Variants in CDK8 observed in about 807,000 individuals in gnomAD.
CDK8 encodes the protein cyclin dependent kinase 8.
In CDK8, 29 loss-of-function variants were observed where a neutral mutation model predicts 71.5. The ratio of observed to expected loss-of-function variants is 0.41; its 90% confidence interval spans 0.30 to 0.55. The LOEUF (loss-of-function observed/expected upper bound fraction) is 0.55, where lower values mean the gene tolerates loss of function less well. Among genes scored for constraint, CDK8 ranks in the 20% least tolerant of loss-of-function variants. CDK8 has a pLI of 0.37. For missense variants in CDK8, 288 were observed against 572.6 expected (o/e 0.50, Z 5.07); for synonymous variants, 161 against 192.1 (o/e 0.84, Z 1.34).
At chr13:26,385,423 G>A in intron 6 of CDK8, 81 bp downstream of exon 6, 1 of 1,165,452 alleles carries the variant, frequency 8.6e-7, no homozygotes, top group Non-Finnish European at 1.2e-6. Context: ...TTTAAATTAA[G>A]TAGTATAGCA....
chr13:26,340,889 A>T (rs541433893), intron 2 of CDK8, among the ~76,000 whole-genome samples: 1 of 152,186 alleles, frequency 6.6e-6, no homozygotes, highest in East Asian at 1.9e-4. Flanking sequence ...AACTCTGAAA[A>T]TTTCTTCTAA....
intron 3 of CDK8, among the ~76,000 whole-genome samples, chr13:26,352,099 G>T (rs1348551659): frequency 6.6e-6 from 1 of 150,842 alleles, no homozygotes; most frequent in Non-Finnish European, 1.5e-5. Context: ...GATTCTTACT[G>T]CGGCAGAGTT....
chr13:26,289,039 T>C (rs1456134075), intron 1 of CDK8, among the ~76,000 whole-genome samples: 2 of 141,918 alleles, frequency 1.4e-5, no homozygotes, highest in African/African-American at 5.3e-5. Context: ...GCATCCAGAC[T>C]AAGCTTCTGT....
chr13:26,338,191 G>A (rs1436769831), intron 2 of CDK8, among the ~76,000 whole-genome samples: 1 of 152,004 alleles, frequency 6.6e-6, no homozygotes, highest in East Asian at 1.9e-4. Context: ...TTTAAACTGA[G>A]TGTTACTTTT....
intron 1 of CDK8, among the ~76,000 whole-genome samples, chr13:26,277,781 A>C (rs1230485039): frequency 6.6e-6 from 1 of 152,176 alleles, no homozygotes; most frequent in Non-Finnish European, 1.5e-5. Flanking sequence ...AATTCTCTAA[A>C]AGTTTAGGTA....
chr13:26,369,998 G>C (rs1041858062), intron 4 of CDK8, among the ~76,000 whole-genome samples: 6 of 152,096 alleles, frequency 3.9e-5, no homozygotes, highest in African/African-American at 1.4e-4. Context: ...TCAATAAGTA[G>C]ATCAATAACT....
chr13:26,296,150 T>C lies in CDK8; in HGVS notation c.128+41381T>C, dbSNP rs1000212131. On this transcript the variant is annotated intron_variant, in intron 1 of 12. Coordinates refer to ENST00000381527, the MANE Select transcript of CDK8 (RefSeq NM_001260.3). ...CTCACAAAAACAAATGTAGCGTTAT[T>C]GTCAACATCGCCTAATTTTATGATT... 2.8e-4 allele frequency among the ~76,000 whole-genome samples: 42 copies of C among 152,230 alleles called. 1 individual carries two copies. Among genetic ancestry groups the C allele is most frequent in the African/African-American group, 9.7e-4 (40 of 41,446 alleles).
At chr13:26,369,067 A>G (rs1016158084) in intron 4 of CDK8, among the ~76,000 whole-genome samples, 2 of 152,012 alleles carry the variant, frequency 1.3e-5, no homozygotes, top group Non-Finnish European at 2.9e-5. Flanking sequence ...TCATGATTTT[A>G]TTAGCCTCAG....
intron 1 of CDK8, among the ~76,000 whole-genome samples, chr13:26,257,723 C>G (rs1871584832): frequency 6.6e-6 from 1 of 152,060 alleles, no homozygotes; most frequent in African/African-American, 2.4e-5. Flanking sequence ...TTTTTAAATT[C>G]TAGACTTCAA....
intron 4 of CDK8, among the ~76,000 whole-genome samples, chr13:26,369,491 A>C (rs1373891066): frequency 6.8e-6 from 1 of 146,136 alleles, no homozygotes; most frequent in African/African-American, 2.5e-5. Flanking sequence ...CATCTGTAAA[A>C]CTCTTATTGT....
Position 26,393,431 on chromosome 13 carries a change from A to T in CDK8, c.711A>T (p.Arg237=). The T allele has an allele frequency of 6.2e-7, 1 of 1,612,244 alleles. No homozygotes were observed. The highest frequency in any genetic ancestry group is 8.5e-7 in the Non-Finnish European group (1 of 1,178,704). ...CGTCAGAACCAATATTTCACTGTCG[A>T]CAAGAGGACATCAAAACTAGTAATC... ...LLTSEPIFHC[R]QEDIKTSNPY... Residue 237 remains arginine, a synonymous_variant, in exon 7 of 13, where the codon CGA becomes CGT. Coordinates refer to ENST00000381527, the MANE Select transcript of CDK8 (RefSeq NM_001260.3).
intron 6 of CDK8, among the ~76,000 whole-genome samples, chr13:26,386,416 A>G (rs1473152054): frequency 6.6e-6 from 1 of 151,946 alleles, no homozygotes; most frequent in Non-Finnish European, 1.5e-5. Context: ...GGTTTCCTTA[A>G]CTTGTTCTGT....
At chr13:26,394,769 T>G (rs561598884) in intron 7 of CDK8, among the ~76,000 whole-genome samples, 56 of 152,184 alleles carry the variant, frequency 3.7e-4, no homozygotes, top group Admixed American at 1.3e-3. Context: ...TTAGATTTGA[T>G]AGCTAAAGAA....
chr13:26,258,485 C>A (rs1871625116), intron 1 of CDK8, among the ~76,000 whole-genome samples: 1 of 142,266 alleles, frequency 7.0e-6, no homozygotes, highest in African/African-American at 2.9e-5. Flanking sequence ...ACTTGTGTAT[C>A]TAGAGGGGTG....
intron 1 of CDK8, among the ~76,000 whole-genome samples, chr13:26,329,212 C>G (rs1262650477): frequency 6.6e-6 from 1 of 152,136 alleles, no homozygotes; most frequent in African/African-American, 2.4e-5. Flanking sequence ...TCCATACTCT[C>G]TTTTACCAAA....
chr13:26,331,235 G>T (rs1183989611), intron 1 of CDK8, among the ~76,000 whole-genome samples: 8 of 151,960 alleles, frequency 5.3e-5, no homozygotes. Flanking sequence ...TTGGATCTTT[G>T]TATGTCTTCT....
At chr13:26,302,723 A>G (rs1200059585) in intron 1 of CDK8, among the ~76,000 whole-genome samples, 1 of 152,232 alleles carries the variant, frequency 6.6e-6, no homozygotes. Flanking sequence ...GGGGGAGAGT[A>G]TCCCCAAGAG....
At chr13:26,389,657 C>T (rs1008875347) in intron 6 of CDK8, among the ~76,000 whole-genome samples, 8 of 152,016 alleles carry the variant, frequency 5.3e-5, no homozygotes, top group African/African-American at 1.9e-4. Context: ...TCTATTGAAA[C>T]ATTGATTCAA....
chr13:26,362,749 A>C (rs1874205190), intron 4 of CDK8, among the ~76,000 whole-genome samples: 1 of 152,214 alleles, frequency 6.6e-6, no homozygotes. Context: ...CTATCTGGGT[A>C]TTCTTTAGTC....
Sources: allele counts gnomAD v4.1 joint callset (sites outside exome capture counted in the v4.1 genomes callset), GRCh38; gene constraint gnomAD v4.1.1; transcripts MANE v1.5; gene names NCBI Gene and HGNC (gene_info 2026-07-23, HGNC 2026-07-21).